The following PCDHGA10 variants were observed in gnomAD, a reference collection of about 807,000 sequenced individuals.
PCDHGA10 encodes protocadherin gamma-A10.
A neutral mutation model predicts 59.5 loss-of-function variants in PCDHGA10; 42 were observed. The ratio of observed to expected loss-of-function variants is 0.71; its 90% CI spans 0.55 to 0.91. The LOEUF is 0.91. Among genes scored for constraint, PCDHGA10 ranks in the 40% least tolerant of loss-of-function variants. The pLI is 0.00. For synonymous variants in PCDHGA10, 511 were observed against 517.2 expected (o/e 0.99, Z 0.16); for missense variants, 1,111 against 1,198.2 (o/e 0.93, Z 1.07).
In PCDHGA10 at chr5:141,491,652, G is replaced by A. The variant is rs370043428; in HGVS notation, c.2437-3155G>A. ...AGCAGCCCACAGCTCTGGCGCTGGAGCCTGACGCCATCCGGTCCCGCTCTA... is the reference window on the plus strand; with the variant it reads ...AGCAGCCCACAGCTCTGGCGCTGGAACCTGACGCCATCCGGTCCCGCTCTA... On this transcript the variant is annotated intron_variant, in intron 1 of 3. Transcript: ENST00000398610. This position sits in a 1 kb window ranked among gnomAD's most constrained non-coding sequence, Gnocchi z 6.9. 2 of 1,613,726 alleles carry A rather than the reference G, an allele frequency of 1.2e-6. No homozygotes were observed. Among genetic ancestry groups the A allele is most frequent in the African/African-American group, 1.3e-5 (1 of 74,944 alleles).
intron 1 of PCDHGA10, chr5:141,421,335 G>A (rs2096564985): frequency 1.2e-6 from 2 of 1,613,944 alleles, no homozygotes; most frequent in Non-Finnish European, 8.5e-7. Context: ...GATATTCGGT[G>A]CCAGAAGAGA....
intron 1 of PCDHGA10, chr5:141,421,487 C>A (rs1447180364): frequency 6.2e-7 from 1 of 1,613,976 alleles, no homozygotes; most frequent in East Asian, 2.2e-5. Context: ...AGCTTGATCA[C>A]GGCAGGCAGG....
chr5:141,432,367 C>A lies in PCDHGA10; in HGVS notation c.2436+16756C>A, dbSNP rs2097491556. 6.2e-7 allele frequency: 1 copy of A among 1,614,246 alleles called. No individual in the cohort carries two copies. The highest frequency in any genetic ancestry group is 8.5e-7 in the Non-Finnish European group (1 of 1,180,040). The stretch of plus-strand genomic sequence containing the variant: ...TGCAAGTGAAAGTGATGGCGCGGGA[C>A]AACGGGCACCCGCCCCTCAGCAGCA... On this transcript the variant is annotated intron_variant, in intron 1 of 3. Transcript: ENST00000398610. This position sits in a 1 kb window ranked among gnomAD's most constrained non-coding sequence, Gnocchi z 6.0.
chr5:141,474,908 T>C (rs1016814167), intron 1 of PCDHGA10, among the ~76,000 whole-genome samples: 7 of 152,242 alleles, frequency 4.6e-5, no homozygotes, highest in African/African-American at 1.4e-4. Flanking sequence ...TGTTCAAGGA[T>C]ATACATCTCA....
In PCDHGA10 at chr5:141,477,472, C is replaced by T. The variant is rs764533834; in HGVS notation, c.2437-17335C>T. 1 of 1,614,156 alleles carries T rather than the reference C, an allele frequency of 6.2e-7. No homozygotes were observed. Among genetic ancestry groups the T allele is most frequent in the South Asian group, 1.1e-5 (1 of 91,080 alleles). Reference sequence around the variant, plus strand: ...GTGTTCAAGTGTCCGACATCAATGACAACCCTCCACAATCTTCTCAATCTT... The same window carrying T: ...GTGTTCAAGTGTCCGACATCAATGATAACCCTCCACAATCTTCTCAATCTT... On this transcript the variant is annotated intron_variant, in intron 1 of 3. Transcript: ENST00000398610. This position sits in a 1 kb window ranked among gnomAD's most constrained non-coding sequence, Gnocchi z 4.9.
chr5:141,417,682 AAAAG>A (rs2096147308), intron 1 of PCDHGA10: 2 of 1,035,494 alleles, frequency 1.9e-6, no homozygotes, highest in Non-Finnish European at 2.7e-6. Context: ...CCAACAACAG[AAAAG>A]AAAACCAGCT....
At chr5:141,475,146 G>A (rs938308425) in intron 1 of PCDHGA10, among the ~76,000 whole-genome samples, 3 of 152,014 alleles carry the variant, frequency 2.0e-5, no homozygotes, top group African/African-American at 4.8e-5. Context: ...AATCTTCTCC[G>A]TCTTCTTCTT....
intron 1 of PCDHGA10, among the ~76,000 whole-genome samples, chr5:141,444,152 ATTTTTTTTTTTTTTTTTT>A (rs747671382): frequency 4.1e-4 from 14 of 33,898 alleles, no homozygotes; most frequent in South Asian, 2.1e-3. Flanking sequence ...TGTGTACTGG[ATTTTTTTTTTTTTTTTTT>A]TTTTTTTTTT....
At chr5:141,482,667 G>C (rs2099569914) in intron 1 of PCDHGA10, among the ~76,000 whole-genome samples, 1 of 151,094 alleles carries the variant, frequency 6.6e-6, no homozygotes, top group Admixed American at 6.6e-5. Context: ...ATGATCTAAA[G>C]GTTGAGTAGT....
Position 141,491,622 on chromosome 5 carries a change from C to T in PCDHGA10, c.2437-3185C>T, listed in dbSNP as rs980546113. 15 of 1,613,786 alleles carry T rather than the reference C, an allele frequency of 9.3e-6. No individual in the cohort carries two copies. Among genetic ancestry groups the T allele is most frequent in the Non-Finnish European group, 1.3e-5 (15 of 1,180,002 alleles). Reference sequence around the variant, plus strand: ...ACTTCACTTTTCTAAGACCCCTCAGCGTTCAGCAGCCCACAGCTCTGGCGC... The same window carrying T: ...ACTTCACTTTTCTAAGACCCCTCAGTGTTCAGCAGCCCACAGCTCTGGCGC... On this transcript the variant is annotated intron_variant, in intron 1 of 3. Transcript: ENST00000398610. This position sits in a 1 kb window ranked among gnomAD's most constrained non-coding sequence, Gnocchi z 6.9.
At position 141,485,704 on chromosome 5, in the gene PCDHGA10, CTT is replaced by C; in HGVS notation, c.2437-9101_2437-9100del. On this transcript the variant is annotated intron_variant, in intron 1 of 3. Coordinates refer to ENST00000398610, the MANE Select transcript of PCDHGA10 (RefSeq NM_018913.3). The surrounding 1 kb of genome is among the most constrained non-coding windows in gnomAD (Gnocchi z 5.7). ...GCTATAGGCTGAGCTCCAATGAACA[CTT>C]TGCACTGGATGTGAAGAAGCGCAGC... is the stretch of plus-strand genomic sequence containing the variant. 6.2e-7 allele frequency: 1 copy of C among 1,614,180 alleles called. No homozygotes were observed. The highest frequency in any genetic ancestry group is 8.5e-7 in the Non-Finnish European group (1 of 1,180,032).
chr5:141,494,182 C>T (rs188628485), intron 1 of PCDHGA10, among the ~76,000 whole-genome samples: 132 of 152,244 alleles, frequency 8.7e-4, no homozygotes, highest in African/African-American at 3.1e-3. Flanking sequence ...AGAAGTGTCC[C>T]GGGACTTGGA....
chr5:141,421,923 G>T (rs2096611568), intron 1 of PCDHGA10: 1 of 1,613,590 alleles, frequency 6.2e-7, no homozygotes. Flanking sequence ...TTCGTGTGGT[G>T]GTCCTCGATG....
chr5:141,475,708 C>G (rs2099367415), intron 1 of PCDHGA10, among the ~76,000 whole-genome samples: 1 of 152,238 alleles, frequency 6.6e-6, no homozygotes, highest in African/African-American at 2.4e-5. Flanking sequence ...AACGGCTAGC[C>G]TCACAGCCCC....
At chr5:141,442,202 G>A (rs1033563159) in intron 1 of PCDHGA10, 2 of 153,258 alleles carry the variant, frequency 1.3e-5, no homozygotes, top group African/African-American at 4.8e-5. Context: ...TTTATATCTG[G>A]TGATTGCCTT....
intron 1 of PCDHGA10, chr5:141,417,708 G>C (rs1028054307): frequency 1.2e-4 from 152 of 1,227,878 alleles, no homozygotes; most frequent in East Asian, 4.9e-4. Context: ...CCACACAGAG[G>C]CTCCCGGCTG....
At chr5:141,506,923 C>T (rs1414595306) in intron 3 of PCDHGA10, among the ~76,000 whole-genome samples, 4 of 152,184 alleles carry the variant, frequency 2.6e-5, no homozygotes, top group African/African-American at 9.7e-5. Context: ...ACATACTAAA[C>T]AAACTTTAGG....
chr5:141,446,558 T>G (rs1413501675), intron 1 of PCDHGA10, among the ~76,000 whole-genome samples: 3 of 151,788 alleles, frequency 2.0e-5, no homozygotes, highest in Non-Finnish European at 1.5e-5. Flanking sequence ...CTCACTGCAA[T>G]CTCTGCCTCC....
chr5:141,505,284 G>A, intron 2 of PCDHGA10, 109 bp from the exon 3 acceptor site: 1 of 1,548,402 alleles, frequency 6.5e-7, no homozygotes. Flanking sequence ...CAGGTCTTGG[G>A]CATGGGGTAG....
Sources: gnomAD v4.1 joint callset for allele counts (sites outside exome capture counted in the v4.1 genomes callset) on GRCh38, gnomAD v4.1.1 for gene constraint, Gnocchi (gnomAD v3.1) non-coding constraint, MANE v1.5 for transcripts, NCBI Gene and HGNC (gene_info 2026-07-23, HGNC 2026-07-21) for gene names.